The following PDE1C variants were observed in gnomAD, a reference collection of about 807,000 sequenced individuals.
PDE1C encodes phosphodiesterase 1C, also known as dual specificity calcium/calmodulin-dependent 3',5'-cyclic nucleotide phosphodiesterase 1C.
In PDE1C, 62 loss-of-function variants were observed where a neutral mutation model predicts 93.1. The ratio of observed to expected loss-of-function variants is 0.67; its 90% CI spans 0.54 to 0.82. The LOEUF is 0.82. PDE1C is among the 40% of genes least tolerant of loss of function. The pLI, the probability that PDE1C is intolerant of heterozygous loss-of-function variation, is 0.00. For synonymous variants in PDE1C, 325 were observed against 310.1 expected (o/e 1.05, Z -0.50); for missense variants, 742 against 884.6 (o/e 0.84, Z 2.04).
chr7:31,877,944 T>C (rs111968122), intron 5 of PDE1C, 26 bp downstream of exon 5: 75 of 1,513,108 alleles, frequency 5.0e-5, no homozygotes, highest in African/African-American at 3.7e-4. Context: ...ACCATGTACA[T>C]TGTAAAATCT....
chr7:32,209,350 T>C (rs1805841496), intron 2 of PDE1C: 1 of 723,754 alleles, frequency 1.4e-6, no homozygotes, highest in Non-Finnish European at 2.3e-6. Flanking sequence ...TCAAGTGGGA[T>C]GTTAACCAGA....
intron 1 of PDE1C, among the ~76,000 whole-genome samples, chr7:32,261,039 G>A (rs1287040855): frequency 2.6e-5 from 4 of 152,264 alleles, no homozygotes; most frequent in South Asian, 4.2e-4. Context: ...GAACCTGGGA[G>A]GTGGAGGTTG....
intron 1 of PDE1C, among the ~76,000 whole-genome samples, chr7:32,210,398 T>A (rs978743876): frequency 6.6e-6 from 1 of 152,202 alleles, no homozygotes; most frequent in Non-Finnish European, 1.5e-5. Flanking sequence ...TCATTCTAGC[T>A]GAGAAAAAAG....
At chr7:31,797,673 C>A (rs571201558) in intron 16 of PDE1C, among the ~76,000 whole-genome samples, 2 of 151,810 alleles carry the variant, frequency 1.3e-5, no homozygotes, top group Non-Finnish European at 3.0e-5. Flanking sequence ...ATCACATGAT[C>A]TGGGCACACC....
intron 16 of PDE1C, among the ~76,000 whole-genome samples, chr7:31,800,047 T>C (rs1473254164): frequency 4.0e-5 from 6 of 151,756 alleles, no homozygotes; most frequent in African/African-American, 1.4e-4. Flanking sequence ...GATCTTTTAA[T>C]GTGCTTATTT....
chr7:32,267,581 CA>C (rs1810680075), intron 1 of PDE1C, among the ~76,000 whole-genome samples: 1 of 78,666 alleles, frequency 1.3e-5, no homozygotes, highest in South Asian at 3.8e-4. Context: ...CTCACACACA[CA>C]CACACTCTCT....
intron 2 of PDE1C, among the ~76,000 whole-genome samples, chr7:31,969,585 G>C (rs576292033): frequency 7.9e-5 from 12 of 152,270 alleles, no homozygotes; most frequent in African/African-American, 2.9e-4. Flanking sequence ...TCAGTGTGGC[G>C]ATTCCTCAGG....
the PDE1C span, among the ~76,000 whole-genome samples, chr7:31,681,136 T>C: frequency 6.6e-6 from 1 of 152,216 alleles, no homozygotes; most frequent in African/African-American, 2.4e-5. Flanking sequence ...ACACTGTTCC[T>C]ACAGACAGAT....
At chr7:31,706,888 T>C in the PDE1C span, among the ~76,000 whole-genome samples, 1 of 152,152 alleles carries the variant, frequency 6.6e-6, no homozygotes, top group Non-Finnish European at 1.5e-5. Context: ...GAACTGTGAG[T>C]GCAAAGCAAT....
Position 31,812,465 on chromosome 7 carries a change from G to T in PDE1C, c.1814-3357C>A, listed in dbSNP as rs1325552385. On this transcript the variant is annotated intron_variant, in intron 15 of 17. Coordinates refer to ENST00000396191, the MANE Select transcript of PDE1C (RefSeq NM_001191057.4). ...CTGGGGTTGGCAAACTATGGCCCAT[G>T]GGTCAAACCTGGCCCTACTGCCTGG... Among the ~76,000 whole-genome samples, 4 of 152,218 alleles carry T rather than the reference G, an allele frequency of 2.6e-5. No individual in the cohort carries two copies. In the East Asian group the frequency reaches 7.8e-4, roughly 30 times the overall value.
At chr7:32,030,465 T>C (rs1256989893) in intron 2 of PDE1C, among the ~76,000 whole-genome samples, 3 of 152,208 alleles carry the variant, frequency 2.0e-5, no homozygotes, top group Admixed American at 6.5e-5. Context: ...GAATTGGTTA[T>C]TTTTTAAAAA....
chr7:32,322,433 C>A (rs965603921), intron 1 of PDE1C, among the ~76,000 whole-genome samples: 1 of 151,984 alleles, frequency 6.6e-6, no homozygotes, highest in Admixed American at 6.5e-5. Flanking sequence ...AAGACGCCAT[C>A]TCTACACACG....
At chr7:32,410,247 C>T (rs1000572553) in intron 1 of PDE1C, among the ~76,000 whole-genome samples, 31 of 152,058 alleles carry the variant, frequency 2.0e-4, no homozygotes, top group Non-Finnish European at 4.3e-4. Flanking sequence ...GTGGGAGCAT[C>T]GCTTGAGCCC....
intron 1 of PDE1C, among the ~76,000 whole-genome samples, chr7:32,318,956 G>C (rs138653727): frequency 2.6e-5 from 4 of 152,308 alleles, no homozygotes; most frequent in African/African-American, 9.6e-5. Flanking sequence ...ATCAGCGTTG[G>C]TGCATTGAGA....
intron 1 of PDE1C, among the ~76,000 whole-genome samples, chr7:32,425,118 T>TTA (rs1300358341): frequency 4.6e-5 from 7 of 151,126 alleles, no homozygotes; most frequent in East Asian, 2.0e-4. Context: ...TTATATTATA[T>TTA]TACATATATA....
intron 2 of PDE1C, among the ~76,000 whole-genome samples, chr7:32,042,235 G>C (rs1037683609): frequency 4.6e-5 from 7 of 152,178 alleles, no homozygotes; most frequent in African/African-American, 1.7e-4. Context: ...GGGAGGCAGA[G>C]GTTGCAGTGA....
intron 2 of PDE1C, among the ~76,000 whole-genome samples, chr7:32,195,614 G>T (rs1294307632): frequency 6.6e-6 from 1 of 152,152 alleles, no homozygotes; most frequent in Non-Finnish European, 1.5e-5. Context: ...CACTTTGGGA[G>T]GTCAAGGCAG....
intron 3 of PDE1C, among the ~76,000 whole-genome samples, chr7:32,101,852 G>T (rs1798054210): frequency 6.6e-6 from 1 of 152,180 alleles, no homozygotes; most frequent in African/African-American, 2.4e-5. Flanking sequence ...GCCAGTATTT[G>T]CTTCTGTGGG....
exon 1 of PDE1C, chr7:32,298,896 G>C (rs1266082459): frequency 9.5e-6 from 13 of 1,366,144 alleles, no homozygotes; most frequent in Non-Finnish European, 1.2e-5. Flanking sequence ...AGCGCCTGGA[G>C]ACAACAGCGG....
Sources: gnomAD v4.1 joint callset for allele counts (sites outside exome capture counted in the v4.1 genomes callset) on GRCh38, gnomAD v4.1.1 for gene constraint, MANE v1.5 for transcripts, NCBI Gene and HGNC (gene_info 2026-07-23, HGNC 2026-07-21) for gene names.